CDK5RAP2: variants seen among roughly 807,000 people sequenced by gnomAD.
CDK5RAP2 encodes CDK5 regulatory subunit-associated protein 2.
A neutral mutation model predicts 232.9 loss-of-function variants in CDK5RAP2; 147 were observed. The observed-to-expected ratio is 0.63, with a 90% confidence interval of 0.55 to 0.72. CDK5RAP2 has a LOEUF of 0.72. Among genes scored for constraint, CDK5RAP2 ranks in the 30% least tolerant of loss-of-function variants. CDK5RAP2 has a pLI of 0.00. For missense variants in CDK5RAP2, 2,195 were observed against 2,231.5 expected (o/e 0.98, Z 0.33); for synonymous variants, 833 against 833.7 (o/e 1.00, Z 0.01).
At chr9:120,487,598 G>C (rs961712067) in intron 13 of CDK5RAP2, among the ~76,000 whole-genome samples, 161 bp from the exon 14 acceptor site, 1 of 152,140 alleles carries the variant, frequency 6.6e-6, no homozygotes, top group South Asian at 2.1e-4. Context: ...TTACAAAACT[G>C]TCATGCAACT....
At chr9:120,563,936 A>G (rs541915428) in intron 3 of CDK5RAP2, among the ~76,000 whole-genome samples, 1 of 152,368 alleles carries the variant, frequency 6.6e-6, no homozygotes, top group African/African-American at 2.4e-5. Flanking sequence ...AAGAATGCCA[A>G]CATCTCAGGG....
At chr9:120,467,570 T>C (rs113733814) in intron 18 of CDK5RAP2, among the ~76,000 whole-genome samples, 49 of 152,332 alleles carry the variant, frequency 3.2e-4, no homozygotes, top group African/African-American at 1.1e-3. Context: ...TATATATAAA[T>C]ATATGGTTTG....
chr9:120,394,379 T>C (rs10984901), intron 36 of CDK5RAP2, 133 bp downstream of exon 36: 6 of 1,404,390 alleles, frequency 4.3e-6, no homozygotes, highest in South Asian at 2.4e-5. Flanking sequence ...GGATGGAGTA[T>C]GAAAAGAAGC....
Position 120,580,107 on chromosome 9 carries a change from C to T in CDK5RAP2, c.-129G>A. ...CCAGCTCTTGTTCAGACTCTGGCGG[C>T]GCCGCTGGAATTCAAACCACAGACG... On this transcript the variant is annotated 5_prime_UTR_variant, in exon 1 of 38. Transcript: ENST00000349780. 1 of 597,344 alleles carries T rather than the reference C, an allele frequency of 1.7e-6. No homozygotes were observed. The highest frequency in any genetic ancestry group is 2.1e-5 in the South Asian group (1 of 48,452). The allele number at this position is 597,344 out of a possible 1,614,324, so 37.0% of individuals were successfully genotyped here.
intron 22 of CDK5RAP2, among the ~76,000 whole-genome samples, chr9:120,444,973 A>C (rs1383334292): frequency 6.6e-6 from 1 of 152,218 alleles, no homozygotes; most frequent in Non-Finnish European, 1.5e-5. Flanking sequence ...TTAATACCAC[A>C]GTATGTCCAA....
intron 27 of CDK5RAP2, 144 bp from the exon 28 acceptor site, chr9:120,415,303 G>A (rs2034147322): frequency 2.3e-6 from 2 of 867,802 alleles, no homozygotes; most frequent in African/African-American, 1.7e-5. Flanking sequence ...CCTAGGCATG[G>A]GGAGGGTGAG....
Position 120,394,493 on chromosome 9 carries a change from C to G in CDK5RAP2, c.5578+19G>C. ...GCAGGAAGTGGTCAGGCATAGCGGC[C>G]ACCCCCACACTCACTCACATTGATC... On this transcript the variant is annotated intron_variant, in intron 36 of 37. Transcript: ENST00000349780. 6.2e-7 allele frequency: 1 copy of G among 1,614,056 alleles called. No homozygotes were observed. Among genetic ancestry groups the G allele is most frequent in the Non-Finnish European group, 8.5e-7 (1 of 1,180,022 alleles).
chr9:120,498,507 AC>A (rs1423766362), intron 12 of CDK5RAP2, among the ~76,000 whole-genome samples: 2 of 152,192 alleles, frequency 1.3e-5, no homozygotes, highest in Non-Finnish European at 2.9e-5. Flanking sequence ...GAGATCCTGA[AC>A]CCGAAAAGGG....
At chr9:120,438,523 G>A (rs2035716689) in intron 24 of CDK5RAP2, among the ~76,000 whole-genome samples, 1 of 152,188 alleles carries the variant, frequency 6.6e-6, no homozygotes, top group Admixed American at 6.5e-5. Context: ...GTGGGATGAT[G>A]TGGGCTTGAA....
chr9:120,406,888 C>CA lies in CDK5RAP2; in HGVS notation c.4963+123dup, dbSNP rs938673755. The CA allele has an allele frequency of 7.8e-5, 60 of 766,926 alleles. 1 individual carries two copies. Among genetic ancestry groups the CA allele is most frequent in the African/African-American group, 7.2e-4 (42 of 58,180 alleles). 47.5% of individuals were successfully genotyped at this position (766,926 alleles called of 1,614,324 possible). A position where few individuals can be genotyped will look rare whatever the true frequency, so the allele number is the denominator to read the frequency against. ...GTCAGGTCCCCTGGCTCCTAGGGTA[C>CA]AGCATGTCAGCTATCAATGGAAAGA... On this transcript the variant is annotated intron_variant, in intron 32 of 37. Transcript: ENST00000349780.
rs1374743162 is a variant in CDK5RAP2, at chr9:120,439,877, G to A, written c.3244C>T (p.Leu1082=). The A allele has an allele frequency of 1.2e-6, 2 of 1,614,142 alleles. No homozygotes were observed. The highest frequency in any genetic ancestry group is 8.5e-7 in the Non-Finnish European group (1 of 1,180,002). The change falls in exon 24 of 38, where the codon CTG becomes TTG. Residue 1082 remains leucine, a synonymous_variant. Coordinates refer to ENST00000349780, the MANE Select transcript of CDK5RAP2 (RefSeq NM_018249.6). ...VLSPTSVATY[L]SSKSQPSAKV... Reference sequence around the variant, plus strand: ...GCAGAAGGCTGACTCTTGGAACTCAGGTAAGTAGCTACTGAAGTTGGGCTC... The same window carrying A: ...GCAGAAGGCTGACTCTTGGAACTCAAGTAAGTAGCTACTGAAGTTGGGCTC...
intron 30 of CDK5RAP2, 34 bp downstream of exon 30, chr9:120,409,093 G>T: frequency 6.2e-7 from 1 of 1,602,016 alleles, no homozygotes; most frequent in Non-Finnish European, 8.5e-7. Flanking sequence ...TGCGTGGTAC[G>T]GCCAGCAGGC....
intron 34 of CDK5RAP2, among the ~76,000 whole-genome samples, chr9:120,402,090 G>A (rs765289213): frequency 4.6e-5 from 7 of 152,082 alleles, no homozygotes; most frequent in Admixed American, 6.5e-5. Flanking sequence ...CCAGGAGTTC[G>A]AGGCCAGCCT....
intron 25 of CDK5RAP2, among the ~76,000 whole-genome samples, chr9:120,429,848 G>A (rs1276387366): frequency 6.6e-6 from 1 of 152,164 alleles, no homozygotes; most frequent in African/African-American, 2.4e-5. Context: ...CACACTACCT[G>A]ACTTCAAACT....
intron 5 of CDK5RAP2, 54 bp from the exon 6 acceptor site, chr9:120,539,218 T>C (rs1322524124): frequency 3.1e-6 from 5 of 1,610,024 alleles, no homozygotes; most frequent in Non-Finnish European, 4.2e-6. Context: ...CTGATGGTTA[T>C]TTCACAGCCC....
At position 120,402,905 on chromosome 9, in the gene CDK5RAP2, G is replaced by A. The variant is rs780115166; in HGVS notation, c.5208C>T (p.Ala1736=). Residue 1736 remains alanine, a synonymous_variant, in exon 34 of 38, where the codon GCC becomes GCT. Transcript: ENST00000349780. ...HVLGLIEDYE[A]LLKQISQGQR... is the part of the protein sequence containing the mutation. The stretch of plus-strand genomic sequence containing the variant: ...GTCCCTGGCTGATCTGTTTGAGCAG[G>A]GCCTCATAGTCCTCAATCAGGCCCA... 1.9e-6 allele frequency: 3 copies of A among 1,614,068 alleles called. No homozygotes were observed. The highest frequency in any genetic ancestry group is 2.5e-6 in the Non-Finnish European group (3 of 1,180,018).
intron 12 of CDK5RAP2, among the ~76,000 whole-genome samples, chr9:120,494,716 GGTAAACACCACA>G (rs1352435734): frequency 1.3e-5 from 2 of 151,564 alleles, no homozygotes; most frequent in Admixed American, 6.6e-5. Context: ...ATAACAACTA[GGTAAACACCACA>G]GTAATAACTG....
At chr9:120,399,864 G>T (rs190046635) in intron 35 of CDK5RAP2, among the ~76,000 whole-genome samples, 1 of 152,328 alleles carries the variant, frequency 6.6e-6, no homozygotes, top group Admixed American at 6.5e-5. Context: ...TGAAATCTTA[G>T]AACAGGCTCA....
At chr9:120,476,627 C>T (rs1389669644) in intron 15 of CDK5RAP2, among the ~76,000 whole-genome samples, 5 of 150,274 alleles carry the variant, frequency 3.3e-5, no homozygotes, top group Non-Finnish European at 7.4e-5. Context: ...TGCAGTGAGC[C>T]GAGATCCTGC....
Sources: gnomAD v4.1 joint callset for allele counts (sites outside exome capture counted in the v4.1 genomes callset) on GRCh38, gnomAD v4.1.1 for gene constraint, MANE v1.5 for transcripts, NCBI Gene and HGNC (gene_info 2026-07-23, HGNC 2026-07-21) for gene names.